Variants in NRDE2 observed in about 807,000 individuals in gnomAD.
The protein encoded by NRDE2 is NRDE-2, necessary for RNA interference, domain containing, also known as nuclear exosome regulator NRDE2.
In NRDE2, 76 loss-of-function variants were observed where a neutral mutation model predicts 124.2. The observed-to-expected ratio is 0.61, with a 90% confidence interval of 0.51 to 0.74. The LOEUF is 0.74. NRDE2 is among the 30% of genes least tolerant of loss of function. The probability of loss-of-function intolerance (pLI) is 0.00; values close to 1 mark genes in which losing one functional copy is unlikely to be tolerated. For synonymous variants in NRDE2, 489 were observed against 528.1 expected (o/e 0.93, Z 1.01); for missense variants, 1,314 against 1,417.3 (o/e 0.93, Z 1.17).
chr14:90,278,562 C>T (rs1333759004), intron 13 of NRDE2, 101 bp from the exon 14 acceptor site: 6 of 1,464,512 alleles, frequency 4.1e-6, no homozygotes, highest in Non-Finnish European at 9.4e-7. Flanking sequence ...CCCTGCCCTC[C>T]TGTCGCCCTC....
At chr14:90,293,284 G>A (rs745310940) in intron 8 of NRDE2, among the ~76,000 whole-genome samples, 1 of 151,126 alleles carries the variant, frequency 6.6e-6, no homozygotes, top group African/African-American at 2.4e-5. Flanking sequence ...GAGTCTCGCT[G>A]TTGTCGCCCA....
In NRDE2 at chr14:90,296,434, C is replaced by T. The variant is rs528835788; in HGVS notation, c.1666+1826G>A. Reference sequence around the variant, plus strand: ...ATCTAAACAGCTGAGACTCTGACAGCCCCAAGTGAGGCATGATCACTGCCT... The same window carrying T: ...ATCTAAACAGCTGAGACTCTGACAGTCCCAAGTGAGGCATGATCACTGCCT... On this transcript the variant is annotated intron_variant, in intron 8 of 13. Coordinates refer to ENST00000354366, the MANE Select transcript of NRDE2 (RefSeq NM_017970.4). Among the ~76,000 whole-genome samples, 126 of 152,168 alleles carry T rather than the reference C, an allele frequency of 8.3e-4. 1 individual carries two copies. The highest frequency in any genetic ancestry group is 1.5e-3 in the Non-Finnish European group (104 of 68,024).
In NRDE2 at chr14:90,269,377, C is replaced by CT. The variant is rs773534272; in HGVS notation, c.*8958_*8959insA. On this transcript the variant is annotated 3_prime_UTR_variant, in exon 14 of 14. Transcript: ENST00000354366. ...GCGATCAGTTGAGTCTTCATTCCTTCCCTTTTTTTTTTTCCAAAGATATGA... is the reference window on the plus strand; with the variant it reads ...GCGATCAGTTGAGTCTTCATTCCTTCTCCTTTTTTTTTTTCCAAAGATATGA... 17 of 1,552,568 alleles carry CT rather than the reference C, an allele frequency of 1.1e-5. No individual in the cohort carries two copies. The highest frequency in any genetic ancestry group is 1.3e-5 in the Non-Finnish European group (15 of 1,152,606).
chr14:90,305,096 C>T (rs771264452), intron 4 of NRDE2, among the ~76,000 whole-genome samples: 1 of 151,686 alleles, frequency 6.6e-6, no homozygotes, highest in Non-Finnish European at 1.5e-5. Context: ...ATTTTAAAAA[C>T]GGGCAAAAGA....
Position 90,300,348 on chromosome 14 carries a change from G to C in NRDE2, c.1545+891C>G, listed in dbSNP as rs576296862. Reference sequence around the variant, plus strand: ...TAATTCTTTAATCCAATTTTTTCTAGAGGTAGCATCATGATAAAAATGGTC... The same window carrying C: ...TAATTCTTTAATCCAATTTTTTCTACAGGTAGCATCATGATAAAAATGGTC... On this transcript the variant is annotated intron_variant, in intron 7 of 13. Coordinates refer to ENST00000354366, the MANE Select transcript of NRDE2 (RefSeq NM_017970.4). Among the ~76,000 whole-genome samples the C allele has an allele frequency of 7.0e-4, 106 of 152,140 alleles. 1 individual carries two copies. In the South Asian group the frequency reaches 0.021, roughly 30 times the overall value.
chr14:90,308,054 G>C (rs1457768721), intron 4 of NRDE2, among the ~76,000 whole-genome samples: 1 of 152,132 alleles, frequency 6.6e-6, no homozygotes, highest in Non-Finnish European at 1.5e-5. Flanking sequence ...GGCCAAAAAT[G>C]TTTACATAAG....
In NRDE2 at chr14:90,286,362, T is replaced by C; in HGVS notation, c.3289A>G (p.Asn1097Asp). 6.2e-7 allele frequency: 1 copy of C among 1,613,288 alleles called. No homozygotes were observed. Among genetic ancestry groups the C allele is most frequent in the Non-Finnish European group, 8.5e-7 (1 of 1,179,670 alleles). ...TCTCAATATTTTCTTACCAGAAAGT[T>C]CAAATACATCCTCCACAGCAAGGGG... Reference protein sequence around the residue: ...QCPLLWRMYLNFLVSLGNKER... With the variant: ...QCPLLWRMYLDFLVSLGNKER... Residue 1097 changes from asparagine (N) to aspartate (D), a missense_variant, in exon 12 of 14, where the codon AAC (asparagine) becomes GAC (aspartate). Asn to Asp is a conservative substitution (Grantham distance 23). Coordinates refer to ENST00000354366, the MANE Select transcript of NRDE2 (RefSeq NM_017970.4).
At chr14:90,318,187 T>C in intron 1 of NRDE2, 74 bp from the exon 2 acceptor site, 1 of 1,197,538 alleles carries the variant, frequency 8.4e-7, no homozygotes, top group East Asian at 2.4e-5. Flanking sequence ...CTATCCATCT[T>C]ATCAGCTGAC....
chr14:90,321,284 C>T (rs1016316938), intron 1 of NRDE2, among the ~76,000 whole-genome samples: 1 of 151,948 alleles, frequency 6.6e-6, no homozygotes, highest in Non-Finnish European at 1.5e-5. Flanking sequence ...CCAGGATGGC[C>T]TCAAACTCCT....
At position 90,298,307 on chromosome 14, in the gene NRDE2, G is replaced by A. The variant is rs145620579; in HGVS notation, c.1619C>T (p.Ala540Val). ...AGEKGARGWK[A>V]WMHQQERGGW... Reference sequence around the variant, plus strand: ...ACCTCGTTCCTGCTGGTGCATCCACGCCTTCCAGCCTCGGGCTCCCTTCTC... The same window carrying A: ...ACCTCGTTCCTGCTGGTGCATCCACACCTTCCAGCCTCGGGCTCCCTTCTC... Residue 540 changes from alanine (A) to valine (V), a missense_variant, in exon 8 of 14, where the codon GCG becomes GTG. Transcript: ENST00000354366. 1.2e-4 allele frequency: 191 copies of A among 1,613,454 alleles called. No homozygotes were observed. The highest frequency in any genetic ancestry group is 2.7e-4 in the South Asian group (25 of 91,080).
At chr14:90,328,330 A>G (rs902554882) in intron 1 of NRDE2, among the ~76,000 whole-genome samples, 45 of 151,998 alleles carry the variant, frequency 3.0e-4, no homozygotes, top group Middle Eastern at 3.4e-3. Context: ...AAAAGAAAAA[A>G]GTATTTATCC....
At chr14:90,325,628 C>T (rs1243817676) in intron 1 of NRDE2, among the ~76,000 whole-genome samples, 1 of 152,142 alleles carries the variant, frequency 6.6e-6, no homozygotes, top group African/African-American at 2.4e-5. Context: ...CAGGCTCAAG[C>T]AATCCTCCCA....
intron 7 of NRDE2, among the ~76,000 whole-genome samples, chr14:90,299,846 C>G (rs1460349462): frequency 6.6e-6 from 1 of 152,136 alleles, no homozygotes; most frequent in East Asian, 1.9e-4. Flanking sequence ...TGAGTATAAT[C>G]TATTTGTTTA....
intron 7 of NRDE2, 126 bp downstream of exon 7, chr14:90,301,113 G>A (rs1884383202): frequency 1.1e-6 from 1 of 906,898 alleles, no homozygotes; most frequent in Non-Finnish European, 1.7e-6. Context: ...AGGAGGATAT[G>A]ATATTTTAAA....
Position 90,288,625 on chromosome 14 carries a change from G to A in NRDE2, c.2750C>T (p.Thr917Ile), listed in dbSNP as rs918555961. Residue 917 changes from threonine to isoleucine, a missense_variant, in exon 11 of 14, where the codon ACC becomes ATC. Coordinates refer to ENST00000354366, the MANE Select transcript of NRDE2 (RefSeq NM_017970.4). ...AKCFMLFQYL[T>I]IGIDAAVQIY... ...CTGCACAGCAGCATCAATCCCTATG[G>A]TCAAATACTGGAAGAGCATGAAGCA... 3 of 1,614,100 alleles carry A rather than the reference G, an allele frequency of 1.9e-6. No individual in the cohort carries two copies. The highest frequency in any genetic ancestry group is 2.5e-6 in the Non-Finnish European group (3 of 1,180,050).
chr14:90,270,042 A>C lies in NRDE2; in HGVS notation c.*8294T>G, dbSNP rs1223120772. On this transcript the variant is annotated 3_prime_UTR_variant, in exon 14 of 14. Transcript: ENST00000354366. ...TCAAATGTAGAAATCTACAAACTAC[A>C]AAAATATATGTTTACTTTTTAAAAT... 3 of 751,112 alleles carry C rather than the reference A, an allele frequency of 4.0e-6. No individual in the cohort carries two copies. Among genetic ancestry groups the C allele is most frequent in the Non-Finnish European group, 6.3e-6 (3 of 477,816 alleles). 46.5% of individuals were successfully genotyped at this position (751,112 alleles called of 1,614,324 possible).
In NRDE2 at chr14:90,304,200, G is replaced by A. The variant is rs201538300; in HGVS notation, c.740C>T (p.Ser247Leu). 27 of 1,614,086 alleles carry A rather than the reference G, an allele frequency of 1.7e-5. No homozygotes were observed. Among genetic ancestry groups the A allele is most frequent in the African/African-American group, 2.7e-5 (2 of 74,916 alleles). Residue 247 changes from serine (S) to leucine (L), a missense_variant, in exon 5 of 14, where the codon TCA (serine) becomes TTA (leucine). Coordinates refer to ENST00000354366, the MANE Select transcript of NRDE2 (RefSeq NM_017970.4). ...VAISSKTEPPSSEPISFIPVK... is the reference protein window; with the variant it reads ...VAISSKTEPPLSEPISFIPVK... ...TGGTATAAAGGAGATGGGCTCAGAT[G>A]AGGGAGGTTCAGTTTTACTGCTAAT...
At chr14:90,287,495 C>G (rs1892140279) in intron 11 of NRDE2, among the ~76,000 whole-genome samples, 1 of 151,984 alleles carries the variant, frequency 6.6e-6, no homozygotes, top group Admixed American at 6.6e-5. Flanking sequence ...CGTGGTGGTG[C>G]CTGTAGTCCC....
In NRDE2 at chr14:90,304,733, A is replaced by C. The variant is rs541037604; in HGVS notation, c.558-351T>G. On this transcript the variant is annotated intron_variant, in intron 4 of 13. Transcript: ENST00000354366. Reference sequence around the variant, plus strand: ...CACAGCCATATGTGACAGGCAAGGCAAAAATTATCATCCCTTCTCTTAACT... The same window carrying C: ...CACAGCCATATGTGACAGGCAAGGCCAAAATTATCATCCCTTCTCTTAACT... The C allele has an allele frequency of 9.0e-5, 17 of 189,768 alleles. No homozygotes were observed. The South Asian group carries it at 1.7e-3, about 19-fold the overall frequency. The allele number at this position is 189,768 out of a possible 1,614,324, so 11.8% of individuals were successfully genotyped here.
Sources: gnomAD v4.1 joint callset for allele counts (sites outside exome capture counted in the v4.1 genomes callset) on GRCh38, gnomAD v4.1.1 for gene constraint, MANE v1.5 for transcripts, NCBI Gene and HGNC (gene_info 2026-07-23, HGNC 2026-07-21) for gene names.